The following CLYBL variants were observed in gnomAD, a reference collection of about 807,000 sequenced individuals.
The protein encoded by CLYBL is citramalyl-CoA lyase, mitochondrial.
A neutral mutation model predicts 38.9 loss-of-function variants in CLYBL; 31 were observed. The ratio of observed to expected loss-of-function variants is 0.80; its 90% CI spans 0.60 to 1.08. The LOEUF (loss-of-function observed/expected upper bound fraction) is 1.08, where lower values mean the gene tolerates loss of function less well. CLYBL is among the 50% of genes least tolerant of loss of function. The probability of loss-of-function intolerance (pLI) is 0.00; values close to 1 mark genes in which losing one functional copy is unlikely to be tolerated. For synonymous variants in CLYBL, 171 were observed against 158.6 expected (o/e 1.08, Z -0.59); for missense variants, 434 against 411.6 (o/e 1.05, Z -0.47).
intron 1 of CLYBL, among the ~76,000 whole-genome samples, chr13:99,611,731 G>C (rs957065531): frequency 1.3e-5 from 2 of 152,052 alleles, no homozygotes; most frequent in Non-Finnish European, 2.9e-5. Context: ...TGCACCTGCA[G>C]TTTTCTTTGT....
intron 1 of CLYBL, among the ~76,000 whole-genome samples, chr13:99,719,153 AT>A (rs34168768): frequency 0.024 from 3,270 of 135,576 alleles, 93 homozygotes; most frequent in African/African-American, 0.078. Flanking sequence ...CACAAGGCCT[AT>A]TTTTTTTTTT....
chr13:99,678,179 A>G (rs1221414493), intron 1 of CLYBL, among the ~76,000 whole-genome samples: 2 of 152,222 alleles, frequency 1.3e-5, no homozygotes, highest in Non-Finnish European at 2.9e-5. Context: ...TTGTCTTCTT[A>G]ACCATACGGC....
At chr13:99,634,000 C>T (rs900724234) in intron 1 of CLYBL, among the ~76,000 whole-genome samples, 4 of 152,028 alleles carry the variant, frequency 2.6e-5, no homozygotes, top group Admixed American at 6.5e-5. Flanking sequence ...GTTCCAAATT[C>T]GGTGAAATCC....
At chr13:99,718,486 TTCCC>T (rs2048350802) in intron 1 of CLYBL, among the ~76,000 whole-genome samples, 1 of 152,190 alleles carries the variant, frequency 6.6e-6, no homozygotes, top group South Asian at 2.1e-4. Flanking sequence ...CATTTGCTAT[TTCCC>T]AAATGCCTTC....
intron 1 of CLYBL, among the ~76,000 whole-genome samples, chr13:99,608,040 C>G (rs1203966214): frequency 6.7e-6 from 1 of 148,318 alleles, no homozygotes; most frequent in Non-Finnish European, 1.5e-5. Flanking sequence ...CCACCATGGC[C>G]GGCCTGGTGG....
At chr13:99,866,705 G>A (rs1406733982) in intron 6 of CLYBL, among the ~76,000 whole-genome samples, 2 of 150,934 alleles carry the variant, frequency 1.3e-5, no homozygotes, top group Admixed American at 1.3e-4. Context: ...AGGGAGGGAT[G>A]AGGCTGCTCA....
At chr13:99,670,270 T>A (rs562156938) in intron 1 of CLYBL, among the ~76,000 whole-genome samples, 6 of 152,172 alleles carry the variant, frequency 3.9e-5, no homozygotes, top group African/African-American at 1.4e-4. Context: ...GGTGGGAGGA[T>A]CACTTGAGCC....
chr13:99,638,561 A>G (rs922605992), intron 1 of CLYBL, among the ~76,000 whole-genome samples: 2 of 152,370 alleles, frequency 1.3e-5, no homozygotes, highest in South Asian at 4.1e-4. Context: ...ACAGTCCCAC[A>G]AAGAAATATT....
intron 1 of CLYBL, among the ~76,000 whole-genome samples, chr13:99,756,437 A>C (rs1445812147): frequency 6.6e-6 from 1 of 152,102 alleles, no homozygotes; most frequent in Non-Finnish European, 1.5e-5. Flanking sequence ...GAGGCCTGGG[A>C]CTCACCATAA....
At chr13:99,707,238 T>C (rs1220405530) in intron 1 of CLYBL, among the ~76,000 whole-genome samples, 1 of 152,174 alleles carries the variant, frequency 6.6e-6, no homozygotes, top group Non-Finnish European at 1.5e-5. Context: ...TTGAGTACTT[T>C]AAGTGCTAGT....
At chr13:99,750,391 A>T (rs1436442361) in intron 1 of CLYBL, among the ~76,000 whole-genome samples, 1 of 152,140 alleles carries the variant, frequency 6.6e-6, no homozygotes, top group Non-Finnish European at 1.5e-5. Context: ...TCTACATAGA[A>T]ATTTACTGAT....
intron 1 of CLYBL, among the ~76,000 whole-genome samples, chr13:99,750,361 A>G (rs1297138873): frequency 6.6e-6 from 1 of 152,186 alleles, no homozygotes; most frequent in Non-Finnish European, 1.5e-5. Flanking sequence ...CTAAAGGGCC[A>G]CAGCATTTTT....
chr13:99,695,581 G>A (rs1455867359), intron 1 of CLYBL, among the ~76,000 whole-genome samples: 2 of 151,760 alleles, frequency 1.3e-5, no homozygotes, highest in Non-Finnish European at 2.9e-5. Context: ...GTGCAGTGGC[G>A]TGATCTTGGC....
intron 1 of CLYBL, among the ~76,000 whole-genome samples, chr13:99,689,709 A>G (rs1208438471): frequency 1.3e-5 from 2 of 152,234 alleles, no homozygotes; most frequent in African/African-American, 4.8e-5. Flanking sequence ...TGAAACCTTT[A>G]TAGATGCAAT....
intron 2 of CLYBL, among the ~76,000 whole-genome samples, chr13:99,836,542 C>T (rs1342224735): frequency 7.2e-5 from 11 of 152,134 alleles, no homozygotes; most frequent in Admixed American, 1.3e-4. Context: ...TAGTAACTAC[C>T]GATTCAGAGG....
At chr13:99,701,150 G>A (rs914273880) in intron 1 of CLYBL, among the ~76,000 whole-genome samples, 3 of 152,262 alleles carry the variant, frequency 2.0e-5, no homozygotes, top group South Asian at 4.1e-4. Context: ...AATAATCTCT[G>A]TGACCAAAAG....
intron 1 of CLYBL, among the ~76,000 whole-genome samples, chr13:99,663,305 G>T (rs1345105321): frequency 2.0e-5 from 3 of 152,224 alleles, no homozygotes; most frequent in African/African-American, 7.2e-5. Flanking sequence ...TTTTCCAGTT[G>T]GCATCCTTGA....
rs1165919560 is a variant in CLYBL, at chr13:99,748,429, G to GTTTTTTTT, written c.63-24374_63-24367dup. On this transcript the variant is annotated intron_variant, in intron 1 of 8. Transcript: ENST00000339105. ...CTGGCAACTATCACTCTAGTTTTGT[G>GTTTTTTTT]TTTTTTTTTTTTTTTTTTTTTTTTT... 2.5e-4 allele frequency among the ~76,000 whole-genome samples: 22 copies of GTTTTTTTT among 87,684 alleles called. 1 individual carries two copies. Among genetic ancestry groups the GTTTTTTTT allele is most frequent in the Non-Finnish European group, 3.1e-4 (15 of 48,912 alleles). The allele number at this position is 87,684 out of a possible 152,430, so 57.5% of individuals were successfully genotyped here.
At chr13:99,655,368 G>T (rs1228199062) in intron 1 of CLYBL, among the ~76,000 whole-genome samples, 1 of 152,104 alleles carries the variant, frequency 6.6e-6, no homozygotes, top group Non-Finnish European at 1.5e-5. Context: ...GAGCCACTGC[G>T]CCTGGCCTGG....
Sources: gnomAD v4.1 joint callset for allele counts (sites outside exome capture counted in the v4.1 genomes callset) on GRCh38, gnomAD v4.1.1 for gene constraint, MANE v1.5 for transcripts, NCBI Gene and HGNC (gene_info 2026-07-23, HGNC 2026-07-21) for gene names.